Variants in SLC22A12 observed in about 807,000 individuals in gnomAD.
The protein encoded by SLC22A12 is solute carrier family 22 member 12.
In SLC22A12, 56 loss-of-function variants were observed where a neutral mutation model predicts 52.7. That is an observed-to-expected ratio of 1.06 (90% confidence interval 0.86 to 1.33). The LOEUF is 1.33. Among genes scored for constraint, SLC22A12 ranks in the 40% most tolerant of loss-of-function variants. SLC22A12 has a pLI of 0.00. For missense variants in SLC22A12, 683 were observed against 741.5 expected (o/e 0.92, Z 0.92); for synonymous variants, 337 against 324.6 (o/e 1.04, Z -0.41).
chr11:64,593,432 G>A lies in SLC22A12; in HGVS notation c.534G>A (p.Trp178Ter). 1.2e-6 allele frequency: 2 copies of A among 1,614,182 alleles called. No individual in the cohort carries two copies. The highest frequency in any genetic ancestry group is 2.2e-5 in the South Asian group (2 of 91,090). ...DRFGRRLVLT[W>*]SYLQMAVMGT... ...TTGGGCGCAGGCTGGTGCTAACCTG[G>A]AGCTACCTTCAGATGGCTGTGATGG... Residue 178 changes from tryptophan (W) to a stop codon, truncating the protein, a stop_gained, in exon 3 of 10, where the codon TGG (tryptophan) becomes TGA (stop). Coordinates refer to ENST00000377574, the MANE Select transcript of SLC22A12 (RefSeq NM_144585.4). LOFTEE classifies it high-confidence loss of function.
At chr11:64,598,999 C>T in intron 6 of SLC22A12, 76 bp downstream of exon 6, 1 of 1,556,126 alleles carries the variant, frequency 6.4e-7, no homozygotes, top group South Asian at 1.2e-5. Flanking sequence ...CGGCCCCGGC[C>T]TCTGCTGGCT....
At chr11:64,600,291 G>GC in intron 7 of SLC22A12, 76 bp from the exon 8 acceptor site, 1 of 1,156,782 alleles carries the variant, frequency 8.6e-7, no homozygotes, top group Non-Finnish European at 1.3e-6. Context: ...TCAGGGACAA[G>GC]CCCCCTGGGC....
In SLC22A12 at chr11:64,592,773, C is replaced by G; in HGVS notation, c.403-6C>G. On this transcript the variant is annotated splice_polypyrimidine_tract_variant and splice_region_variant and intron_variant, in intron 1 of 9. Coordinates refer to ENST00000377574, the MANE Select transcript of SLC22A12 (RefSeq NM_144585.4). ...TCCTGAGCTCAGCCTCCTCCTCTCC[C>G]ATCAGTGGAACCTCGTGTGTGACTC... 6.2e-7 allele frequency: 1 copy of G among 1,611,192 alleles called. No homozygotes were observed. Among genetic ancestry groups the G allele is most frequent in the Non-Finnish European group, 8.5e-7 (1 of 1,177,716 alleles).
At position 64,591,331 on chromosome 11, in the gene SLC22A12, C is replaced by T. The variant is rs1451445930; in HGVS notation, c.-226C>T. The T allele has an allele frequency of 5.0e-6, 3 of 600,944 alleles. No homozygotes were observed. The highest frequency in any genetic ancestry group is 5.8e-6 in the Non-Finnish European group (2 of 343,224). 37.2% of individuals were successfully genotyped at this position (600,944 alleles called of 1,614,324 possible). A position where few individuals can be genotyped will look rare whatever the true frequency, so the allele number is the denominator to read the frequency against. On this transcript the variant is annotated 5_prime_UTR_variant, in exon 1 of 10. Coordinates refer to ENST00000377574, the MANE Select transcript of SLC22A12 (RefSeq NM_144585.4). Reference sequence around the variant, plus strand: ...GGAGATGCTGGAGGTCTCGGAATCACCTCACGCGGCCTCAGGGCCCAGTTG... The same window carrying T: ...GGAGATGCTGGAGGTCTCGGAATCATCTCACGCGGCCTCAGGGCCCAGTTG...
chr11:64,601,940 T>A lies in SLC22A12; in HGVS notation c.*389T>A. On this transcript the variant is annotated 3_prime_UTR_variant, in exon 10 of 10. Coordinates refer to ENST00000377574, the MANE Select transcript of SLC22A12 (RefSeq NM_144585.4). ...GCCCAGAGCTCAGAGCTAACCACCA[T>A]CCATGGTCAAGACCTCTCCTAGCTC... 2.9e-6 allele frequency: 1 copy of A among 344,270 alleles called. No homozygotes were observed. The highest frequency in any genetic ancestry group is 5.7e-6 in the Non-Finnish European group (1 of 174,820). 21.3% of individuals were successfully genotyped at this position (344,270 alleles called of 1,614,324 possible). A position where few individuals can be genotyped will look rare whatever the true frequency, so the allele number is the denominator to read the frequency against.
chr11:64,601,016 C>G, intron 9 of SLC22A12, 78 bp downstream of exon 9: 7 of 1,555,702 alleles, frequency 4.5e-6, no homozygotes, highest in Non-Finnish European at 6.1e-6. Flanking sequence ...TCACCCATCC[C>G]CATCACTTGA....
intron 7 of SLC22A12, 35 bp downstream of exon 7, chr11:64,599,925 T>A: frequency 6.3e-7 from 1 of 1,593,470 alleles, no homozygotes; most frequent in Non-Finnish European, 8.6e-7. Flanking sequence ...GAGACTTCCC[T>A]ACCTTGGGGG....
rs763126364 is a variant in SLC22A12, at chr11:64,601,627, A to T, written c.*76A>T. 8.3e-5 allele frequency: 126 copies of T among 1,523,836 alleles called. No homozygotes were observed. Among genetic ancestry groups the T allele is most frequent in the Non-Finnish European group, 1.1e-4 (119 of 1,107,302 alleles). The allele number at this position is 1,523,836 out of a possible 1,614,324, so 94.4% of individuals were successfully genotyped here. A position where few individuals can be genotyped will look rare whatever the true frequency, so the allele number is the denominator to read the frequency against. On this transcript the variant is annotated 3_prime_UTR_variant, in exon 10 of 10. Coordinates refer to ENST00000377574, the MANE Select transcript of SLC22A12 (RefSeq NM_144585.4). ...TCTCTGGAGAAGGCAGGAGGAAAGC[A>T]AAGACCTCCATTTCCAGAGGCCCAG...
At chr11:64,595,212 A>G (rs1220312746) in intron 4 of SLC22A12, among the ~76,000 whole-genome samples, 9 of 34,202 alleles carry the variant, frequency 2.6e-4, no homozygotes, top group Admixed American at 6.5e-4. Context: ...TGTTTGGAAT[A>G]GATGGATGGA....
At chr11:64,597,403 T>C (rs936646826) in intron 4 of SLC22A12, among the ~76,000 whole-genome samples, 6 of 151,984 alleles carry the variant, frequency 3.9e-5, no homozygotes, top group Non-Finnish European at 7.4e-5. Context: ...ACGGTTCCAT[T>C]ATAGGTGTCT....
chr11:64,591,796 C>A lies in SLC22A12; in HGVS notation c.240C>A (p.Gly80=), dbSNP rs770172481. The change falls in exon 1 of 10, where the codon GGC becomes GGA. Residue 80 remains glycine, a synonymous_variant. Coordinates refer to ENST00000377574, the MANE Select transcript of SLC22A12 (RefSeq NM_144585.4). Reference sequence around the variant, plus strand: ...TCCTGGCTATTTCCATCCCGCCGGGCCCCAACCAGAGGCCCCACCAGTGCC... The same window carrying A: ...TCCTGGCTATTTCCATCCCGCCGGGACCCAACCAGAGGCCCCACCAGTGCC... ...EALLAISIPP[G]PNQRPHQCRR... 1.4e-5 allele frequency: 23 copies of A among 1,612,374 alleles called. No individual in the cohort carries two copies. Among genetic ancestry groups the A allele is most frequent in the African/African-American group, 2.7e-5 (2 of 74,936 alleles).
intron 4 of SLC22A12, among the ~76,000 whole-genome samples, chr11:64,597,765 C>T (rs1469653513): frequency 6.6e-6 from 1 of 152,096 alleles, no homozygotes; most frequent in Non-Finnish European, 1.5e-5. Context: ...ATGGCAGGCG[C>T]TCAGCAGGCG....
At chr11:64,600,269 G>A in intron 7 of SLC22A12, 98 bp from the exon 8 acceptor site, 1 of 952,670 alleles carries the variant, frequency 1.0e-6, no homozygotes, top group Non-Finnish European at 1.6e-6. Context: ...CATTTACAAA[G>A]AGGCCTGAAA....
chr11:64,600,288 C>G, intron 7 of SLC22A12, 79 bp from the exon 8 acceptor site: 5 of 1,141,004 alleles, frequency 4.4e-6, no homozygotes, highest in Non-Finnish European at 6.4e-6. Flanking sequence ...AAGTCAGGGA[C>G]AAGCCCCCTG....
At chr11:64,598,973 G>T in intron 6 of SLC22A12, 50 bp downstream of exon 6, 1 of 1,597,884 alleles carries the variant, frequency 6.3e-7, no homozygotes, top group Non-Finnish European at 8.5e-7. Flanking sequence ...CTGGAATCGG[G>T]GCTCTCGCTG....
At chr11:64,595,982 TGGAA>T (rs1565137302) in intron 4 of SLC22A12, among the ~76,000 whole-genome samples, 1 of 69,192 alleles carries the variant, frequency 1.4e-5, no homozygotes, top group Non-Finnish European at 2.5e-5. Flanking sequence ...GATGGATGGT[TGGAA>T]TAGATGGAAT....
intron 4 of SLC22A12, among the ~76,000 whole-genome samples, chr11:64,594,961 GTTGGA>G (rs1280336327): frequency 2.0e-5 from 1 of 51,028 alleles, no homozygotes; most frequent in Non-Finnish European, 6.4e-5. Flanking sequence ...TGGATGGATG[GTTGGA>G]ATAGATGGAT....
chr11:64,595,408 TG>T (rs2039130031), intron 4 of SLC22A12, among the ~76,000 whole-genome samples: 1 of 121,172 alleles, frequency 8.3e-6, no homozygotes, highest in African/African-American at 3.1e-5. Flanking sequence ...GACGGATGGA[TG>T]GATGGATGTT....
Position 64,593,535 on chromosome 11 carries a change from G to A in SLC22A12, c.637G>A (p.Val213Ile), listed in dbSNP as rs1014455077. The A allele has an allele frequency of 9.3e-6, 15 of 1,614,056 alleles. No homozygotes were observed. Among genetic ancestry groups the A allele is most frequent in the East Asian group, 2.2e-5 (1 of 44,900 alleles). Residue 213 changes from valine to isoleucine, a missense_variant, in exon 3 of 10, where the codon GTC becomes ATC. By Grantham distance (29) the Val-to-Ile change is conservative. Coordinates refer to ENST00000377574, the MANE Select transcript of SLC22A12 (RefSeq NM_144585.4). ...RFLLAFAVAG[V>I]MMNTGTLLME... ...CCTGTTGGCCTTTGCCGTGGCAGGC[G>A]TCATGATGAACACGGGCACTCTCCG...
Sources: gnomAD v4.1 joint callset for allele counts (sites outside exome capture counted in the v4.1 genomes callset) on GRCh38, gnomAD v4.1.1 for gene constraint, MANE v1.5 for transcripts, NCBI Gene and HGNC (gene_info 2026-07-23, HGNC 2026-07-21) for gene names.